NSDHL: variants seen among roughly 807,000 people sequenced by gnomAD.
The protein encoded by NSDHL is NAD(P) dependent 3-beta-hydroxysteroid dehydrogenase NSDHL.
A neutral mutation model predicts 23.0 loss-of-function variants in NSDHL; 1 was observed. The observed-to-expected ratio is 0.04, with a 90% CI of 0.02 to 0.21. The LOEUF (loss-of-function observed/expected upper bound fraction) is 0.21, where lower values mean the gene tolerates loss of function less well. Among genes scored for constraint, NSDHL ranks in the 10% least tolerant of loss-of-function variants. The pLI, the probability that NSDHL is intolerant of heterozygous loss-of-function variation, is 1.00. For missense variants in NSDHL, 237 were observed against 300.9 expected, an observed-to-expected ratio of 0.79 and a Z score of 1.57; for synonymous variants, 128 against 121.1, an observed-to-expected ratio of 1.06 and a Z score of -0.37.
intron 1 of NSDHL, among the ~76,000 whole-genome samples, chrX:152,835,295 CTTTT>C (rs200736261): frequency 9.9e-6 from 1 of 101,393 alleles, no homozygotes; most frequent in Admixed American, 1.1e-4. Context: ...TCACATCTCT[CTTTT>C]TTTTTTTTTA....
At chrX:152,841,814 C>G (rs7884971) in intron 1 of NSDHL, among the ~76,000 whole-genome samples, 1 of 111,573 alleles carries the variant, frequency 9.0e-6, no homozygotes, top group African/African-American at 3.3e-5. Flanking sequence ...AGAAAATGTA[C>G]CATCTTCACC....
chrX:152,850,845 A>G (rs782365289), intron 3 of NSDHL, among the ~76,000 whole-genome samples: 1 of 112,456 alleles, frequency 8.9e-6, no homozygotes, highest in East Asian at 2.8e-4. Context: ...TTTTCAGTAC[A>G]TCCACAAAGC....
chrX:152,843,593 A>G (rs192907776), intron 1 of NSDHL, among the ~76,000 whole-genome samples: 3 of 111,573 alleles, frequency 2.7e-5, no homozygotes, highest in Non-Finnish European at 5.6e-5. Context: ...TCCCCTCTGT[A>G]TGTCTCTTAT....
At chrX:152,856,865 T>C (rs1709241781) in intron 3 of NSDHL, among the ~76,000 whole-genome samples, 1 of 112,492 alleles carries the variant, frequency 8.9e-6, no homozygotes, top group African/African-American at 3.2e-5. Context: ...GAGACCAGCC[T>C]TGCCAACATG....
At chrX:152,861,783 C>T (rs1933532971) in intron 4 of NSDHL, among the ~76,000 whole-genome samples, 1 of 112,490 alleles carries the variant, frequency 8.9e-6, no homozygotes, top group Admixed American at 9.4e-5. Flanking sequence ...ATTACATTTT[C>T]AGTTATTGCT....
chrX:152,857,659 A>G lies in NSDHL; in HGVS notation c.268-1111A>G, dbSNP rs781988004. Among the ~76,000 whole-genome samples, 9 of 112,464 alleles carry G rather than the reference A, an allele frequency of 8.0e-5. No individual in the cohort carries two copies. The South Asian group carries it at 1.5e-3, about 18-fold the overall frequency. On this transcript the variant is annotated intron_variant, in intron 3 of 7. Coordinates refer to ENST00000370274, the MANE Select transcript of NSDHL (RefSeq NM_015922.3). ...ATCCTGGACCCCAAAACAAAAGGCT[A>G]TAAAAGACATTACTGGGACAATTGG...
At chrX:152,836,796 G>T (rs1249502250) in intron 1 of NSDHL, among the ~76,000 whole-genome samples, 1 of 111,639 alleles carries the variant, frequency 9.0e-6, no homozygotes, top group East Asian at 2.8e-4. Context: ...GCTCTTTTTT[G>T]GTTCCATATG....
chrX:152,847,854 A>C (rs1232875579), intron 2 of NSDHL, among the ~76,000 whole-genome samples: 1 of 109,417 alleles, frequency 9.1e-6, no homozygotes, highest in Non-Finnish European at 1.9e-5. Flanking sequence ...AGTTTGCCTA[A>C]ATGGTTTTTT....
intron 5 of NSDHL, among the ~76,000 whole-genome samples, chrX:152,863,895 G>A (rs1245031894): frequency 9.0e-6 from 1 of 110,600 alleles, no homozygotes; most frequent in Non-Finnish European, 1.9e-5. Context: ...GCTGCCTCCT[G>A]GCTGTTTGCC....
intron 5 of NSDHL, among the ~76,000 whole-genome samples, chrX:152,864,864 T>G (rs1933582286): frequency 9.0e-6 from 1 of 111,691 alleles, no homozygotes; most frequent in Non-Finnish European, 1.9e-5. Context: ...GTTGAGTTGC[T>G]TAAGATCACT....
At chrX:152,841,394 C>T (rs1231070331) in intron 1 of NSDHL, among the ~76,000 whole-genome samples, 3 of 112,328 alleles carry the variant, frequency 2.7e-5, no homozygotes, top group Non-Finnish European at 3.8e-5. Context: ...GTGTCGATCA[C>T]GCTGGGAGCT....
At chrX:152,839,742 C>T (rs1033520465) in intron 1 of NSDHL, among the ~76,000 whole-genome samples, 11 of 112,445 alleles carry the variant, frequency 9.8e-5, no homozygotes, top group Non-Finnish European at 1.9e-4. Flanking sequence ...TTTTTTCCTT[C>T]ATTTCAACTT....
chrX:152,843,057 A>G (rs1373737116), intron 1 of NSDHL, among the ~76,000 whole-genome samples: 6 of 112,049 alleles, frequency 5.4e-5, no homozygotes, highest in African/African-American at 2.0e-4. Context: ...AGTATTTACA[A>G]ACTTTAAAAT....
At position 152,865,831 on chromosome X, in the gene NSDHL, G is replaced by A. The variant is rs782180567; in HGVS notation, c.556G>A (p.Ala186Thr). The change falls in exon 6 of 8, where the codon GCC becomes ACC. Residue 186 changes from alanine (A) to threonine (T), a missense_variant. Physicochemically the swap from Ala to Thr is moderately conservative, Grantham distance 58. Around this residue, in one of 3 missense-constraint regions of NSDHL, gnomAD observed 39 missense variants for 98.1 expected, o/e 0.40. Transcript: ENST00000370274. ...CACTCTCCTCCAGGCAGTTCTGGGC[G>A]CCAACGATCCTGAGAAGAATTTCTT... ...KILQERAVLG[A>T]NDPEKNFLTT... The A allele has an allele frequency of 4.1e-6, 5 of 1,212,336 alleles. No homozygotes were observed. Among genetic ancestry groups the A allele is most frequent in the South Asian group, 1.8e-5 (1 of 57,044 alleles).
intron 1 of NSDHL, among the ~76,000 whole-genome samples, chrX:152,840,805 A>G (rs1489145385): frequency 8.9e-6 from 1 of 112,830 alleles, no homozygotes; most frequent in Non-Finnish European, 1.9e-5. Flanking sequence ...TCAGAGCTCA[A>G]ACGCCATGCT....
chrX:152,833,117 A>G (rs1359004362), intron 1 of NSDHL, among the ~76,000 whole-genome samples: 1 of 110,295 alleles, frequency 9.1e-6, no homozygotes, highest in Non-Finnish European at 1.9e-5. Context: ...TCTTTTCTCT[A>G]GCTTAATTTA....
At chrX:152,833,717 G>C (rs1933050074) in intron 1 of NSDHL, among the ~76,000 whole-genome samples, 1 of 112,128 alleles carries the variant, frequency 8.9e-6, no homozygotes, top group Non-Finnish European at 1.9e-5. Context: ...GTTGGGGCAG[G>C]CTTCCCTGAG....
intron 4 of NSDHL, among the ~76,000 whole-genome samples, chrX:152,861,160 A>G (rs1472006915): frequency 8.9e-6 from 1 of 112,845 alleles, no homozygotes; most frequent in African/African-American, 3.2e-5. Context: ...TTTTCCTCAA[A>G]GGTTTTAAGT....
At chrX:152,854,183 G>A (rs1392055419) in intron 3 of NSDHL, among the ~76,000 whole-genome samples, 1 of 111,451 alleles carries the variant, frequency 9.0e-6, no homozygotes, top group Non-Finnish European at 1.9e-5. Flanking sequence ...GAACCCTCCA[G>A]CATGCCATGT....
Sources: gnomAD v4.1 joint callset for allele counts (sites outside exome capture counted in the v4.1 genomes callset) on GRCh38, gnomAD v4.1.1 for gene constraint, gnomAD v4.1.1 regional missense constraint, MANE v1.5 for transcripts, NCBI Gene and HGNC (gene_info 2026-07-23, HGNC 2026-07-21) for gene names.